The following IP6K1 variants were observed in gnomAD, a reference collection of about 807,000 sequenced individuals.
IP6K1 encodes inositol hexakisphosphate kinase 1.
Under a neutral mutation model 38.3 loss-of-function variants are expected in IP6K1, and 13 were observed. The observed-to-expected ratio is 0.34, with a 90% CI of 0.22 to 0.54. The LOEUF (loss-of-function observed/expected upper bound fraction) is 0.54. Among genes scored for constraint, IP6K1 ranks in the 20% least tolerant of loss-of-function variants. The pLI, the probability that IP6K1 is intolerant of heterozygous loss-of-function variation, is 0.92. For synonymous variants in IP6K1, 212 were observed against 229.9 expected, an observed-to-expected ratio of 0.92 and a Z score of 0.70; for missense variants, 397 against 599.8, an observed-to-expected ratio of 0.66 and a Z score of 3.53.
intron 1 of IP6K1, among the ~76,000 whole-genome samples, chr3:49,764,455 T>C (rs2080892369): frequency 6.6e-6 from 1 of 152,170 alleles, no homozygotes; most frequent in South Asian, 2.1e-4. Flanking sequence ...CAGTGAGGCT[T>C]CCAGTCAACA....
chr3:49,779,626 AT>A (rs555815789), intron 1 of IP6K1, among the ~76,000 whole-genome samples: 1 of 151,906 alleles, frequency 6.6e-6, no homozygotes, highest in Non-Finnish European at 1.5e-5. Flanking sequence ...ACATCATCTG[AT>A]TTTTTTTACT....
chr3:49,729,594 C>T (rs140342176), intron 4 of IP6K1, among the ~76,000 whole-genome samples: 3,622 of 151,702 alleles, frequency 0.024, 57 homozygotes, highest in Non-Finnish European at 0.036. Flanking sequence ...TTAGTAGAGA[C>T]GGGGTTTCTC....
At chr3:49,758,666 A>G (rs964457711) in intron 1 of IP6K1, 2 of 152,242 alleles carry the variant, frequency 1.3e-5, no homozygotes, top group East Asian at 3.8e-4. Context: ...ATTTTGGAAT[A>G]TAAGGAGTTT....
At chr3:49,762,277 C>T (rs1001831953) in intron 1 of IP6K1, among the ~76,000 whole-genome samples, 6 of 152,164 alleles carry the variant, frequency 3.9e-5, no homozygotes, top group Admixed American at 6.5e-5. Flanking sequence ...GGTGTGGTGG[C>T]TCACACCTGC....
At chr3:49,770,592 C>G (rs973536770) in intron 1 of IP6K1, among the ~76,000 whole-genome samples, 5 of 151,950 alleles carry the variant, frequency 3.3e-5, no homozygotes, top group Admixed American at 3.3e-4. Context: ...GTGTAGTGAG[C>G]GGAGATCATG....
At position 49,742,176 on chromosome 3, in the gene IP6K1, C is replaced by G. The variant is rs149603803; in HGVS notation, c.224-3754G>C. Reference sequence around the variant, plus strand: ...TTTTCACTAGGAAAGAATAAATATGCTAGCTCAAAAGTACAATTCAATTAA... The same window carrying G: ...TTTTCACTAGGAAAGAATAAATATGGTAGCTCAAAAGTACAATTCAATTAA... On this transcript the variant is annotated intron_variant, in intron 2 of 5. Coordinates refer to ENST00000321599, the MANE Select transcript of IP6K1 (RefSeq NM_153273.4). Among the ~76,000 whole-genome samples, 395 of 152,374 alleles carry G rather than the reference C, an allele frequency of 2.6e-3. 3 individuals are homozygous for G. The highest frequency in any genetic ancestry group is 8.8e-3 in the African/African-American group (367 of 41,590).
chr3:49,732,745 C>T, intron 4 of IP6K1, 46 bp downstream of exon 4: 1 of 1,543,770 alleles, frequency 6.5e-7, no homozygotes, highest in South Asian at 1.2e-5. Context: ...CAACACACGA[C>T]CTATGGACCC....
chr3:49,783,712 CAAAAA>C (rs10713526), intron 1 of IP6K1, among the ~76,000 whole-genome samples: 1 of 122,088 alleles, frequency 8.2e-6, no homozygotes. Context: ...GATTCCGTCT[CAAAAA>C]AAAAAAAAAA....
At chr3:49,768,455 T>C (rs2080930084) in intron 1 of IP6K1, among the ~76,000 whole-genome samples, 2 of 152,182 alleles carry the variant, frequency 1.3e-5, no homozygotes, top group Non-Finnish European at 2.9e-5. Context: ...AAAAATTATA[T>C]AATTATAATT....
intron 1 of IP6K1, among the ~76,000 whole-genome samples, chr3:49,762,551 A>AAATAATAAT (rs531165498): frequency 1.3e-5 from 2 of 150,958 alleles, no homozygotes; most frequent in African/African-American, 4.9e-5. Context: ...CTCTGTCTCA[A>AAATAATAAT]AATAATAATA....
chr3:49,730,697 C>T (rs1342257732), intron 4 of IP6K1, among the ~76,000 whole-genome samples: 1 of 152,138 alleles, frequency 6.6e-6, no homozygotes, highest in Admixed American at 6.5e-5. Context: ...TAGGCGCATG[C>T]CACCATGCCC....
intron 1 of IP6K1, among the ~76,000 whole-genome samples, chr3:49,775,876 C>A (rs1228287695): frequency 6.6e-6 from 1 of 151,800 alleles, no homozygotes; most frequent in African/African-American, 2.4e-5. Flanking sequence ...ATTTGAGAAG[C>A]AAAGATCTGT....
chr3:49,758,866 C>T (rs971732001), intron 1 of IP6K1, among the ~76,000 whole-genome samples: 1 of 151,604 alleles, frequency 6.6e-6, no homozygotes, highest in African/African-American at 2.4e-5. Context: ...GAGGCTGAGA[C>T]AGGAGAATCG....
chr3:49,772,042 C>A (rs1389369166), intron 1 of IP6K1, among the ~76,000 whole-genome samples: 1 of 151,750 alleles, frequency 6.6e-6, no homozygotes, highest in Admixed American at 6.6e-5. Context: ...GGCAAGACCT[C>A]TACAGAAAAT....
chr3:49,780,617 T>A (rs1032364449), intron 1 of IP6K1, among the ~76,000 whole-genome samples: 3 of 152,038 alleles, frequency 2.0e-5, no homozygotes, highest in African/African-American at 7.2e-5. Flanking sequence ...GGCAGTGAGA[T>A]CAAGCCACAA....
At chr3:49,756,315 A>G (rs2080822248) in intron 1 of IP6K1, among the ~76,000 whole-genome samples, 1 of 152,136 alleles carries the variant, frequency 6.6e-6, no homozygotes, top group South Asian at 2.1e-4. Context: ...TCAAGGAGAG[A>G]ATCTAGAGTC....
chr3:49,758,937 ACT>A (rs1489308779), intron 1 of IP6K1, among the ~76,000 whole-genome samples: 2 of 135,762 alleles, frequency 1.5e-5, no homozygotes, highest in Non-Finnish European at 3.2e-5. Context: ...ACAGAGCGAG[ACT>A]CTGTCTCAAA....
At chr3:49,729,427 G>A (rs1244341015) in intron 4 of IP6K1, among the ~76,000 whole-genome samples, 1 of 119,612 alleles carries the variant, frequency 8.4e-6, no homozygotes, top group Non-Finnish European at 1.9e-5. Flanking sequence ...TTTTTTTTTT[G>A]AGACGGAGTT....
Position 49,727,690 on chromosome 3 carries a change from G to A in IP6K1, c.793-35C>T. ...CAGGAGGCAGACAGGGTGAGTGCCA[G>A]GGAAGTCTGAAGAGCTCACAGTGCC... On this transcript the variant is annotated intron_variant, in intron 5 of 5. Transcript: ENST00000321599. This position sits in a 1 kb window ranked among gnomAD's most constrained non-coding sequence, Gnocchi z 5.9. 6.3e-7 allele frequency: 1 copy of A among 1,597,308 alleles called. No homozygotes were observed. The highest frequency in any genetic ancestry group is 2.2e-5 in the East Asian group (1 of 44,708).
Sources: allele counts gnomAD v4.1 joint callset (sites outside exome capture counted in the v4.1 genomes callset), GRCh38; gene constraint gnomAD v4.1.1; non-coding constraint Gnocchi (gnomAD v3.1); transcripts MANE v1.5; gene names NCBI Gene and HGNC (gene_info 2026-07-23, HGNC 2026-07-21).